Variants in ESYT3 observed in about 807,000 individuals in gnomAD.
ESYT3 encodes the protein extended synaptotagmin-3.
A neutral mutation model predicts 111.5 loss-of-function variants in ESYT3; 101 were observed. That is an observed-to-expected ratio of 0.91 (90% confidence interval 0.77 to 1.07). The LOEUF (loss-of-function observed/expected upper bound fraction) is 1.07. ESYT3 is among the 50% of genes least tolerant of loss of function. The probability of loss-of-function intolerance (pLI) is 0.00; values close to 1 mark genes in which losing one functional copy is unlikely to be tolerated. For missense variants in ESYT3, 1,097 were observed against 1,109.4 expected (o/e 0.99, Z 0.16); for synonymous variants, 416 against 446.8 (o/e 0.93, Z 0.87).
chr3:138,473,961 T>G (rs921999134), intron 19 of ESYT3, among the ~76,000 whole-genome samples: 7 of 152,224 alleles, frequency 4.6e-5, no homozygotes, highest in African/African-American at 1.7e-4. Context: ...CTTGCTCTAC[T>G]CCAAGCATTA....
At position 138,472,386 on chromosome 3, in the gene ESYT3, G is replaced by C; in HGVS notation, c.1764G>C (p.Glu588Asp). The change falls in exon 18 of 23, where the codon GAG (glutamate) becomes GAC (aspartate). Residue 588 changes from glutamate to aspartate, a missense_variant. By Grantham distance (45) the Glu-to-Asp change is conservative. Transcript: ENST00000389567. Reference sequence around the variant, plus strand: ...AGTTCCTGCAAGTGGAGGAACGAGAGCTGGGGAGCCCATACACAGGACCTG... The same window carrying C: ...AGTTCCTGCAAGTGGAGGAACGAGACCTGGGGAGCCCATACACAGGACCTG... ...VLRFLQVEER[E>D]LGSPYTGPEA... The C allele has an allele frequency of 1.9e-6, 3 of 1,613,962 alleles. No homozygotes were observed. Among genetic ancestry groups the C allele is most frequent in the Non-Finnish European group, 2.5e-6 (3 of 1,179,984 alleles).
intron 1 of ESYT3, among the ~76,000 whole-genome samples, chr3:138,436,151 G>A (rs1391489340): frequency 6.6e-6 from 1 of 152,216 alleles, no homozygotes; most frequent in African/African-American, 2.4e-5. Context: ...GAGAAATGAA[G>A]TCTTACTGTA....
rs1560234844 is a variant in ESYT3, at chr3:138,464,509, G to T, written c.1080G>T (p.Val360=). The change falls in exon 9 of 23, where the codon GTG becomes GTT. Residue 360 remains valine, a synonymous_variant. Transcript: ENST00000389567. ...ACCTGAACCCCACCTGGAACGAAGT[G>T]TTTGAGGTAAGGGTCTCCTTGGCTG... ...YRNLNPTWNE[V]FEFMVYEVPG... is the part of the protein sequence containing the mutation. 6.2e-7 allele frequency: 1 copy of T among 1,614,022 alleles called. No homozygotes were observed. Among genetic ancestry groups the T allele is most frequent in the South Asian group, 1.1e-5 (1 of 91,072 alleles).
chr3:138,446,417 G>T (rs1245772429), intron 1 of ESYT3, among the ~76,000 whole-genome samples: 1 of 152,118 alleles, frequency 6.6e-6, no homozygotes, highest in East Asian at 1.9e-4. Flanking sequence ...GGCAAATAAG[G>T]GATTAGGTGA....
At chr3:138,468,578 A>G (rs774298256) in intron 12 of ESYT3, 77 bp from the exon 13 acceptor site, 29 of 1,485,714 alleles carry the variant, frequency 2.0e-5, no homozygotes, top group Non-Finnish European at 2.7e-5. Flanking sequence ...TTCTTCTGCC[A>G]TGAGTAGGCT....
intron 8 of ESYT3, among the ~76,000 whole-genome samples, chr3:138,463,924 A>G (rs1434594617): frequency 6.6e-6 from 1 of 152,218 alleles, no homozygotes; most frequent in African/African-American, 2.4e-5. Flanking sequence ...TACTGTCAGC[A>G]GCTGGCAGTG....
chr3:138,454,576 A>C (rs2032153420), intron 2 of ESYT3, among the ~76,000 whole-genome samples: 1 of 152,038 alleles, frequency 6.6e-6, no homozygotes, highest in South Asian at 2.1e-4. Context: ...GAAAAAGAAG[A>C]TGGAGAAGCC....
In ESYT3 at chr3:138,472,841, A is replaced by C. The variant is rs760863272; in HGVS notation, c.2219A>C (p.Asp740Ala). 6.8e-6 allele frequency: 11 copies of C among 1,613,920 alleles called. No individual in the cohort carries two copies. The Admixed American group carries it at 1.0e-4, about 15-fold the overall frequency. ...GCCTCTTCTTGCTTTGACCTGGCAGATATCAGCCTCAACATTGAGTATGCA... is the reference window on the plus strand; with the variant it reads ...GCCTCTTCTTGCTTTGACCTGGCAGCTATCAGCCTCAACATTGAGTATGCA... ...SLASSCFDLA[D>A]ISLNIEGGDL... The change falls in exon 18 of 23, where the codon GAT becomes GCT. Residue 740 changes from aspartate to alanine, a missense_variant. By Grantham distance (126) the Asp-to-Ala change is moderately radical. Coordinates refer to ENST00000389567, the MANE Select transcript of ESYT3 (RefSeq NM_031913.5).
chr3:138,476,797 C>A, intron 22 of ESYT3, 21 bp from the exon 23 acceptor site: 1 of 1,613,036 alleles, frequency 6.2e-7, no homozygotes, highest in Non-Finnish European at 8.5e-7. Flanking sequence ...AACGTTAAGT[C>A]CAAACGTAAC....
intron 5 of ESYT3, among the ~76,000 whole-genome samples, chr3:138,459,534 T>C (rs1309535055): frequency 2.6e-5 from 4 of 152,286 alleles, no homozygotes; most frequent in Middle Eastern, 3.4e-3. Context: ...ATGGTGTTCA[T>C]GGAGCGATGG....
chr3:138,462,331 C>G, intron 8 of ESYT3, 125 bp downstream of exon 8: 1 of 1,331,584 alleles, frequency 7.5e-7, no homozygotes, highest in Non-Finnish European at 1.0e-6. Context: ...AAAAATGGTA[C>G]AAACACCATC....
chr3:138,474,176 C>T (rs772474356), intron 19 of ESYT3, 45 bp from the exon 20 acceptor site: 1 of 1,583,260 alleles, frequency 6.3e-7, no homozygotes, highest in Non-Finnish European at 8.5e-7. Context: ...GTTTGAAAAC[C>T]AGGGCCCTTT....
At chr3:138,470,614 T>C (rs1258625278) in intron 16 of ESYT3, 7 of 1,243,960 alleles carry the variant, frequency 5.6e-6, no homozygotes, top group Non-Finnish European at 7.1e-6. Context: ...AGCTCATCAG[T>C]CCCCAAAGCC....
intron 14 of ESYT3, chr3:138,469,178 C>T (rs753304602): frequency 2.7e-5 from 16 of 593,160 alleles, no homozygotes; most frequent in African/African-American, 9.3e-5. Flanking sequence ...CCCCAGGGAA[C>T]GAGAGCCTGT....
At chr3:138,463,176 C>T (rs12630351) in intron 8 of ESYT3, among the ~76,000 whole-genome samples, 10,110 of 152,040 alleles carry the variant, frequency 0.066, 723 homozygotes, top group East Asian at 0.37. Flanking sequence ...CTTACTGCAA[C>T]CTCTGTCTCC....
At chr3:138,441,014 G>A (rs1473760000) in intron 1 of ESYT3, among the ~76,000 whole-genome samples, 1 of 152,182 alleles carries the variant, frequency 6.6e-6, no homozygotes, top group Non-Finnish European at 1.5e-5. Flanking sequence ...GTGGCTCCAA[G>A]TCTGAGGCTC....
intron 1 of ESYT3, among the ~76,000 whole-genome samples, chr3:138,443,480 G>A (rs1477682847): frequency 2.0e-5 from 3 of 152,208 alleles, no homozygotes; most frequent in African/African-American, 7.2e-5. Flanking sequence ...ATCTTGGGAA[G>A]ACAGGAGCCA....
chr3:138,473,672 C>T (rs1446380960), intron 19 of ESYT3, 38 bp downstream of exon 19: 1 of 1,556,096 alleles, frequency 6.4e-7, no homozygotes, highest in African/African-American at 1.4e-5. Flanking sequence ...CCTTTGGGAG[C>T]ATCAGGTGAC....
In ESYT3 at chr3:138,472,459, C is replaced by G. The variant is rs765191108; in HGVS notation, c.1837C>G (p.Gln613Glu). Residue 613 changes from glutamine to glutamate, a missense_variant, in exon 18 of 23, where the codon CAG (glutamine) becomes GAG (glutamate). Coordinates refer to ENST00000389567, the MANE Select transcript of ESYT3 (RefSeq NM_031913.5). ...GCTCATCAAGAAAGTGGCTACCAAC[C>G]AGGGTCCCAAAGCCCAACCTCAGGA... is the stretch of plus-strand genomic sequence containing the variant. ...PLLIKKVATN[Q>E]GPKAQPQEEG... 8 of 1,614,228 alleles carry G rather than the reference C, an allele frequency of 5.0e-6. No homozygotes were observed. In the South Asian group the frequency reaches 8.8e-5, roughly 18 times the overall value.
Sources: allele counts gnomAD v4.1 joint callset (sites outside exome capture counted in the v4.1 genomes callset), GRCh38; gene constraint gnomAD v4.1.1; transcripts MANE v1.5; gene names NCBI Gene and HGNC (gene_info 2026-07-23, HGNC 2026-07-21).